The following TMC5 variants were observed in gnomAD, a reference collection of about 807,000 sequenced individuals.
TMC5 encodes transmembrane channel like 5.
A neutral mutation model predicts 110.5 loss-of-function variants in TMC5; 86 were observed. That is an observed-to-expected ratio of 0.78 (90% CI 0.65 to 0.93). The LOEUF (loss-of-function observed/expected upper bound fraction) is 0.93, where lower values mean the gene tolerates loss of function less well. Among genes scored for constraint, TMC5 ranks in the 40% least tolerant of loss-of-function variants. The pLI is 0.00. For synonymous variants in TMC5, 455 were observed against 439.5 expected (o/e 1.04, Z -0.44); for missense variants, 1,144 against 1,222.8 (o/e 0.94, Z 0.96).
At chr16:19,487,403 T>C (rs1317693294) in intron 17 of TMC5, 77 bp downstream of exon 17, 3 of 1,534,068 alleles carry the variant, frequency 2.0e-6, no homozygotes, top group Non-Finnish European at 1.8e-6. Context: ...GGTTTTATTA[T>C]AATTCAGGTG....
chr16:19,478,456 C>T (rs1968538715), intron 13 of TMC5, among the ~76,000 whole-genome samples: 1 of 152,178 alleles, frequency 6.6e-6, no homozygotes, highest in Admixed American at 6.6e-5. Flanking sequence ...TTCTTCCATG[C>T]ATTCATCCAT....
intron 14 of TMC5, among the ~76,000 whole-genome samples, chr16:19,480,432 A>C (rs768634637): frequency 1.3e-5 from 2 of 152,102 alleles, no homozygotes; most frequent in Non-Finnish European, 2.9e-5. Context: ...CAGTGGATAG[A>C]TTCAATGCCA....
chr16:19,434,023 TA>T (rs113385355), intron 2 of TMC5, among the ~76,000 whole-genome samples: 9 of 9,110 alleles, frequency 9.9e-4, no homozygotes, highest in African/African-American at 1.7e-3. Flanking sequence ...AATATATATA[TA>T]AATCTATATA....
chr16:19,451,533 A>G (rs1193533739), intron 5 of TMC5, among the ~76,000 whole-genome samples: 1 of 152,148 alleles, frequency 6.6e-6, no homozygotes, highest in Non-Finnish European at 1.5e-5. Flanking sequence ...TGTATAGAAA[A>G]AAACACACTC....
Position 19,479,415 on chromosome 16 carries a change from C to G in TMC5, c.2170-16C>G. ...CACAGCCCCTTCCCACATCCTGACT[C>G]TTGTTTGCCTTCCAGTGTTGGGAAA... On this transcript the variant is annotated splice_polypyrimidine_tract_variant and intron_variant, in intron 13 of 21. Coordinates refer to ENST00000542583, the MANE Select transcript of TMC5 (RefSeq NM_001261841.2). 6.2e-7 allele frequency: 1 copy of G among 1,601,470 alleles called. No individual in the cohort carries two copies. Among genetic ancestry groups the G allele is most frequent in the Non-Finnish European group, 8.6e-7 (1 of 1,168,502 alleles).
intron 21 of TMC5, among the ~76,000 whole-genome samples, 159 bp downstream of exon 21, chr16:19,497,322 C>T (rs903023484): frequency 6.6e-6 from 1 of 152,206 alleles, no homozygotes; most frequent in Non-Finnish European, 1.5e-5. Context: ...TTGCTTTAGG[C>T]CTTGCCTAAC....
In TMC5 at chr16:19,498,256, T is replaced by C. The variant is rs1969107010; in HGVS notation, c.*290T>C. Reference sequence around the variant, plus strand: ...AACCTAGGAAGAGATAACTAGGGAATAATGTATATTATCTTCAAGAAGTGT... The same window carrying C: ...AACCTAGGAAGAGATAACTAGGGAACAATGTATATTATCTTCAAGAAGTGT... On this transcript the variant is annotated 3_prime_UTR_variant, in exon 22 of 22. Transcript: ENST00000542583. 1 of 407,882 alleles carries C rather than the reference T, an allele frequency of 2.5e-6. No homozygotes were observed. The highest frequency in any genetic ancestry group is 4.5e-6 in the Non-Finnish European group (1 of 223,494). 25.3% of individuals were successfully genotyped at this position (407,882 alleles called of 1,614,324 possible). A position where few individuals can be genotyped will look rare whatever the true frequency, so the allele number is the denominator to read the frequency against.
chr16:19,427,723 T>C (rs1967114006), intron 1 of TMC5, among the ~76,000 whole-genome samples: 2 of 152,008 alleles, frequency 1.3e-5, no homozygotes, highest in South Asian at 4.2e-4. Flanking sequence ...AGCTACCTAC[T>C]AGATGCCAAT....
Position 19,486,327 on chromosome 16 carries a change from C to T in TMC5, c.2364-618C>T, listed in dbSNP as rs929031065. Among the ~76,000 whole-genome samples, 3 of 152,104 alleles carry T rather than the reference C, an allele frequency of 2.0e-5. No individual in the cohort carries two copies. In the South Asian group the frequency reaches 6.2e-4, roughly 32 times the overall value. On this transcript the variant is annotated intron_variant, in intron 15 of 21. Transcript: ENST00000542583. The stretch of plus-strand genomic sequence containing the variant: ...CCTGGTTTATAGACGGCCATCTTCT[C>T]CCCATGTCTTTACATGGTCTTCATT...
intron 19 of TMC5, among the ~76,000 whole-genome samples, chr16:19,493,657 C>T (rs905662507): frequency 6.6e-6 from 1 of 152,058 alleles, no homozygotes; most frequent in Non-Finnish European, 1.5e-5. Context: ...GACGGGGTTT[C>T]ACCATGTTGA....
Position 19,474,290 on chromosome 16 carries a change from C to T in TMC5, c.2090+14C>T, listed in dbSNP as rs776567503. On this transcript the variant is annotated intron_variant, in intron 12 of 21. Transcript: ENST00000542583. ...TCTCCTGATCCGGTAGGTGATGTGT[C>T]GCGCCCAACACCAGCCTCTATTTCC... The T allele has an allele frequency of 2.2e-5, 35 of 1,611,250 alleles. No individual in the cohort carries two copies. In the East Asian group the frequency reaches 4.9e-4, roughly 23 times the overall value.
chr16:19,410,946 GGTGCGGCGCCGGA>G (rs1489234455), exon 1 of TMC5: 1 of 152,466 alleles, frequency 6.6e-6, no homozygotes, highest in African/African-American at 2.4e-5. Context: ...GAGCCAGCGG[GGTGCGGCGCCGGA>G]GTGCGGGGAG....
In TMC5 at chr16:19,444,258, T is replaced by C; in HGVS notation, c.958+8T>C. ...CTCCTGGAAGTGGCTATGGTAAGCA[T>C]TTGTTAAGCCAGGATCATATCCTGG... is the stretch of plus-strand genomic sequence containing the variant. On this transcript the variant is annotated splice_region_variant and intron_variant, in intron 4 of 21. Transcript: ENST00000542583. 1.2e-6 allele frequency: 2 copies of C among 1,613,196 alleles called. No homozygotes were observed. Among genetic ancestry groups the C allele is most frequent in the African/African-American group, 2.7e-5 (2 of 75,024 alleles).
chr16:19,422,092 A>G lies in TMC5; in HGVS notation c.-308+4000A>G, dbSNP rs548583050. 1.6e-3 allele frequency among the ~76,000 whole-genome samples: 248 copies of G among 151,474 alleles called. 1 individual carries two copies. The highest frequency in any genetic ancestry group is 5.2e-3 in the South Asian group (25 of 4,780). ...AAAAATACAAAAAAATTAGCTGGGC[A>G]TGGTGGCACATGCCTGTAGTCCCAA... On this transcript the variant is annotated intron_variant, in intron 1 of 21. Coordinates refer to ENST00000542583, the MANE Select transcript of TMC5 (RefSeq NM_001261841.2).
intron 19 of TMC5, among the ~76,000 whole-genome samples, chr16:19,492,915 G>GATAGATAGAT (rs58561457): frequency 2.3e-5 from 1 of 42,750 alleles, no homozygotes; most frequent in African/African-American, 5.4e-5. Context: ...TTAAAACTTA[G>GATAGATAGAT]ATATATATAT....
At chr16:19,439,237 G>A (rs1967425074) in intron 2 of TMC5, among the ~76,000 whole-genome samples, 1 of 152,154 alleles carries the variant, frequency 6.6e-6, no homozygotes, top group Non-Finnish European at 1.5e-5. Flanking sequence ...GATCAGAGCT[G>A]GTGGAGCTCA....
Position 19,479,294 on chromosome 16 carries a change from ACT to A in TMC5, c.2170-136_2170-135del, listed in dbSNP as rs778154236. 118 of 738,850 alleles carry A rather than the reference ACT, an allele frequency of 1.6e-4. 1 individual carries two copies. The highest frequency in any genetic ancestry group is 3.9e-4 in the Middle Eastern group (1 of 2,572). 45.8% of individuals were successfully genotyped at this position (738,850 alleles called of 1,614,324 possible). ...AGCTGCATTTTTTCAGAGTGGGTCT[ACT>A]TTTTTGAGTACACAAGGACTTGGTC... is the stretch of plus-strand genomic sequence containing the variant. On this transcript the variant is annotated intron_variant, in intron 13 of 21. Transcript: ENST00000542583.
At chr16:19,473,964 G>A (rs548185527) in intron 11 of TMC5, among the ~76,000 whole-genome samples, 161 bp from the exon 12 acceptor site, 191 of 151,912 alleles carry the variant, frequency 1.3e-3, no homozygotes, top group African/African-American at 4.3e-3. Flanking sequence ...TGGGCAACAC[G>A]GTGAGACTCC....
intron 19 of TMC5, among the ~76,000 whole-genome samples, chr16:19,493,174 T>C (rs1968958595): frequency 1.3e-5 from 2 of 151,312 alleles, no homozygotes; most frequent in South Asian, 2.1e-4. Flanking sequence ...TTGGTCAGGC[T>C]GGTCTCAAAC....
Sources: gnomAD v4.1 joint callset for allele counts (sites outside exome capture counted in the v4.1 genomes callset) on GRCh38, gnomAD v4.1.1 for gene constraint, MANE v1.5 for transcripts, NCBI Gene and HGNC (gene_info 2026-07-23, HGNC 2026-07-21) for gene names.